Variants in DLG2 observed in about 807,000 individuals in gnomAD.
DLG2 encodes discs large MAGUK scaffold protein 2.
DLG2 carries 45 observed loss-of-function variants against 132.5 expected under a neutral mutation model. That is an observed-to-expected ratio of 0.34 (90% CI 0.27 to 0.44). DLG2 has a LOEUF of 0.44. Ranked by LOEUF, DLG2 falls within the 20% of genes least tolerant of loss-of-function variation. The pLI, the probability that DLG2 is intolerant of heterozygous loss-of-function variation, is 1.00. For missense variants in DLG2, 1,045 were observed against 1,196.9 expected (o/e 0.87, Z 1.87); for synonymous variants, 424 against 419.6 (o/e 1.01, Z -0.13).
At chr11:83,604,842 T>G (rs676115) in intron 19 of DLG2, among the ~76,000 whole-genome samples, 106,438 of 152,032 alleles carry the variant, frequency 0.7, 37,561 homozygotes, top group African/African-American at 0.79. Flanking sequence ...AAAAACTAAT[T>G]TAAAATTTTG....
intron 6 of DLG2, among the ~76,000 whole-genome samples, chr11:84,871,413 C>A (rs1276924178): frequency 6.6e-6 from 1 of 152,166 alleles, no homozygotes; most frequent in Non-Finnish European, 1.5e-5. Context: ...ACAACCTTCA[C>A]AACCTATTAC....
intron 14 of DLG2, among the ~76,000 whole-genome samples, chr11:83,951,085 G>C (rs1483191258): frequency 6.6e-6 from 1 of 151,764 alleles, no homozygotes. Context: ...AGAAAACATG[G>C]GAATTAAAGA....
At chr11:83,549,380 G>A (rs2096326478) in intron 19 of DLG2, among the ~76,000 whole-genome samples, 1 of 152,150 alleles carries the variant, frequency 6.6e-6, no homozygotes, top group African/African-American at 2.4e-5. Context: ...CTGAGCTTCA[G>A]TTTTATCTAT....
At chr11:84,376,171 ATCTCTC>A (rs966978399) in intron 7 of DLG2, among the ~76,000 whole-genome samples, 1 of 151,668 alleles carries the variant, frequency 6.6e-6, no homozygotes, top group Middle Eastern at 3.2e-3. Flanking sequence ...AGCTTTAATT[ATCTCTC>A]TCTCTCTCTT....
intron 6 of DLG2, among the ~76,000 whole-genome samples, chr11:84,544,221 T>G (rs1170425689): frequency 6.6e-6 from 1 of 152,226 alleles, no homozygotes; most frequent in African/African-American, 2.4e-5. Context: ...GAGGTAACTG[T>G]AATTCTAAAG....
intron 7 of DLG2, among the ~76,000 whole-genome samples, chr11:84,502,330 CTT>C (rs2099217938): frequency 1.9e-4 from 4 of 20,520 alleles, no homozygotes; most frequent in Non-Finnish European, 3.5e-4. Context: ...TTCTTTCTTT[CTT>C]TCTTTCTTTC....
At chr11:85,624,788 T>C (rs2081949504) in intron 2 of DLG2, among the ~76,000 whole-genome samples, 1 of 152,186 alleles carries the variant, frequency 6.6e-6, no homozygotes, top group South Asian at 2.1e-4. Context: ...AAATATAAAC[T>C]GGTTTTTCTA....
At chr11:83,821,885 C>T (rs1360857198) in intron 17 of DLG2, among the ~76,000 whole-genome samples, 2 of 152,102 alleles carry the variant, frequency 1.3e-5, no homozygotes, top group Non-Finnish European at 2.9e-5. Flanking sequence ...AAACTCTACC[C>T]TCAAGTTCCC....
At chr11:85,094,355 G>T (rs1446727014) in intron 6 of DLG2, among the ~76,000 whole-genome samples, 1 of 152,220 alleles carries the variant, frequency 6.6e-6, no homozygotes, top group Non-Finnish European at 1.5e-5. Flanking sequence ...AAGAGAGTCA[G>T]CCTGTCCTTT....
intron 3 of DLG2, among the ~76,000 whole-genome samples, chr11:85,585,140 A>T (rs1241142881): frequency 6.6e-6 from 1 of 152,148 alleles, no homozygotes; most frequent in African/African-American, 2.4e-5. Context: ...TTCAGGTCTT[A>T]GATTGAAGTC....
At chr11:84,506,857 T>G (rs528492130) in intron 7 of DLG2, among the ~76,000 whole-genome samples, 1 of 152,324 alleles carries the variant, frequency 6.6e-6, no homozygotes, top group East Asian at 1.9e-4. Context: ...GTCAGCAGAC[T>G]ACTGGCAATG....
At chr11:85,604,178 T>C (rs921282137) in intron 2 of DLG2, among the ~76,000 whole-genome samples, 1 of 152,166 alleles carries the variant, frequency 6.6e-6, no homozygotes, top group Non-Finnish European at 1.5e-5. Flanking sequence ...ATTTGACACA[T>C]AAAAAATGCT....
At chr11:85,333,512 G>A (rs1001517009) in intron 3 of DLG2, among the ~76,000 whole-genome samples, 5 of 152,094 alleles carry the variant, frequency 3.3e-5, no homozygotes, top group African/African-American at 9.7e-5. Context: ...TCTTGTTCCA[G>A]TTCTCAGAGG....
chr11:83,862,949 C>G lies in DLG2; in HGVS notation c.1565+11471G>C, dbSNP rs75342986. Among the ~76,000 whole-genome samples the G allele has an allele frequency of 6.8e-3, 1,031 of 152,186 alleles. 13 individuals carry two copies. The highest frequency in any genetic ancestry group is 0.024 in the African/African-American group (998 of 41,544). ...GATAGGGTAGGACCTAGCAGCTACC[C>G]TGAAGGACTTTTGCACTCAGTCGAG... On this transcript the variant is annotated intron_variant, in intron 16 of 27. Transcript: ENST00000376104.
At chr11:84,240,897 C>T (rs1292486328) in intron 8 of DLG2, among the ~76,000 whole-genome samples, 1 of 152,216 alleles carries the variant, frequency 6.6e-6, no homozygotes, top group South Asian at 2.1e-4. Flanking sequence ...GAAGATAATG[C>T]TACCAGCAAT....
At chr11:84,073,425 T>C (rs2096784366) in intron 10 of DLG2, among the ~76,000 whole-genome samples, 1 of 151,622 alleles carries the variant, frequency 6.6e-6, no homozygotes, top group African/African-American at 2.4e-5. Flanking sequence ...CAAATATAAG[T>C]TGAGAGATAT....
chr11:85,185,870 T>C (rs1404005651), intron 4 of DLG2, among the ~76,000 whole-genome samples: 1 of 151,874 alleles, frequency 6.6e-6, no homozygotes, highest in Non-Finnish European at 1.5e-5. Flanking sequence ...CCATGTAAGG[T>C]AGATATAATT....
In DLG2 at chr11:83,824,064, T is replaced by C. The variant is rs79572437; in HGVS notation, c.1722+9550A>G. Among the ~76,000 whole-genome samples, 38 of 152,316 alleles carry C rather than the reference T, an allele frequency of 2.5e-4. 1 individual carries two copies. In the East Asian group the frequency reaches 7.1e-3, roughly 29 times the overall value. ...GTGTGATCTTGGACAAATTATTTAA[T>C]TTCTCTGAGCCTTCAATCCAACAAG... On this transcript the variant is annotated intron_variant, in intron 17 of 27. Transcript: ENST00000376104.
chr11:85,067,061 A>G (rs1477117489), intron 6 of DLG2, among the ~76,000 whole-genome samples: 1 of 151,746 alleles, frequency 6.6e-6, no homozygotes, highest in Non-Finnish European at 1.5e-5. Context: ...TCCAAAGGGA[A>G]AGAAATCACT....
Sources: allele counts gnomAD v4.1 joint callset (sites outside exome capture counted in the v4.1 genomes callset), GRCh38; gene constraint gnomAD v4.1.1; transcripts MANE v1.5; gene names NCBI Gene and HGNC (gene_info 2026-07-23, HGNC 2026-07-21).